The following PCDHA3 variants were observed in gnomAD, a reference collection of about 807,000 sequenced individuals.
PCDHA3 encodes the protein protocadherin alpha-3.
Under a neutral mutation model 62.2 loss-of-function variants are expected in PCDHA3, and 41 were observed. The ratio of observed to expected loss-of-function variants is 0.66; its 90% confidence interval spans 0.51 to 0.86. The LOEUF is 0.86. Among genes scored for constraint, PCDHA3 ranks in the 40% least tolerant of loss-of-function variants. PCDHA3 has a pLI of 0.00. For missense variants in PCDHA3, 1,304 were observed against 1,241.2 expected (o/e 1.05, Z -0.76); for synonymous variants, 640 against 555.4 (o/e 1.15, Z -2.14).
chr5:140,927,272 G>A lies in PCDHA3; in HGVS notation c.2395-51677G>A, dbSNP rs782403423. 3.7e-6 allele frequency: 6 copies of A among 1,613,966 alleles called. No homozygotes were observed. Among genetic ancestry groups the A allele is most frequent in the African/African-American group, 1.3e-5 (1 of 74,910 alleles). ...GACAACTCACCTCTCTTTCCTGCCG[G>A]CGACGTGCAGCTGCACATCCCCGAG... On this transcript the variant is annotated intron_variant, in intron 1 of 3. Transcript: ENST00000522353.
chr5:140,853,580 T>C, intron 1 of PCDHA3: 2 of 984,120 alleles, frequency 2.0e-6, no homozygotes, highest in Non-Finnish European at 2.4e-6. Flanking sequence ...TCACCCAATA[T>C]CTTAGACACT....
At chr5:140,878,689 AT>A (rs1582445250) in intron 1 of PCDHA3, among the ~76,000 whole-genome samples, 1 of 152,246 alleles carries the variant, frequency 6.6e-6, no homozygotes, top group Admixed American at 6.5e-5. Flanking sequence ...AAAGTCTTAC[AT>A]ACCCCAGCCT....
chr5:140,851,336 A>C, intron 1 of PCDHA3: 1 of 979,180 alleles, frequency 1.0e-6, no homozygotes, highest in Non-Finnish European at 1.2e-6. Context: ...GTAGTTCTCT[A>C]CATTTCTCTG....
intron 1 of PCDHA3, chr5:140,841,685 G>T (rs1332759626): frequency 6.2e-7 from 1 of 1,613,842 alleles, no homozygotes; most frequent in Non-Finnish European, 8.5e-7. Context: ...TGTGGACGTG[G>T]AGGTGAAGGA....
At chr5:140,989,724 T>C (rs1251385686) in intron 3 of PCDHA3, among the ~76,000 whole-genome samples, 6 of 152,178 alleles carry the variant, frequency 3.9e-5, no homozygotes, top group African/African-American at 1.4e-4. Context: ...AGCTTTGCAG[T>C]TGAAAAGGCC....
intron 1 of PCDHA3, among the ~76,000 whole-genome samples, chr5:140,845,887 A>G (rs1214611865): frequency 6.7e-6 from 1 of 149,822 alleles, no homozygotes; most frequent in Non-Finnish European, 1.5e-5. Context: ...AATGTCAGAA[A>G]GTCGTTATGG....
intron 1 of PCDHA3, chr5:140,829,783 G>C: frequency 1.9e-6 from 3 of 1,613,808 alleles, no homozygotes; most frequent in African/African-American, 1.3e-5. Context: ...ACGCGCCGGC[G>C]CTGCTGGCGC....
chr5:140,968,702 A>G, intron 1 of PCDHA3: 3 of 1,614,178 alleles, frequency 1.9e-6, no homozygotes, highest in Non-Finnish European at 2.5e-6. Flanking sequence ...TAGGACTACC[A>G]GGAAGATGGG....
chr5:140,928,368 A>G, intron 1 of PCDHA3: 3 of 1,614,212 alleles, frequency 1.9e-6, no homozygotes, highest in Non-Finnish European at 2.5e-6. Context: ...CTGAAGGGCC[A>G]TCAGCCTCTA....
At chr5:140,847,615 C>T (rs1488974977) in intron 1 of PCDHA3, 1 of 149,268 alleles carries the variant, frequency 6.7e-6, no homozygotes, top group Non-Finnish European at 1.5e-5. Flanking sequence ...AATAACATTA[C>T]ACAAACTATA....
At chr5:140,920,405 A>T (rs1253203896) in intron 1 of PCDHA3, among the ~76,000 whole-genome samples, 1 of 152,118 alleles carries the variant, frequency 6.6e-6, no homozygotes, top group Non-Finnish European at 1.5e-5. Context: ...TCTTTTTTTA[A>T]TCAGATACAG....
At chr5:140,876,368 CA>C in intron 1 of PCDHA3, 1 of 1,613,904 alleles carries the variant, frequency 6.2e-7, no homozygotes. Flanking sequence ...AATCCAGACA[CA>C]GGTGAAATTA....
At chr5:140,869,588 T>G (rs1404476349) in intron 1 of PCDHA3, 7 of 1,613,996 alleles carry the variant, frequency 4.3e-6, no homozygotes, top group Non-Finnish European at 5.9e-6. Flanking sequence ...GATGCTGACA[T>G]TGAAGAGAAT....
intron 1 of PCDHA3, chr5:140,829,297 G>C: frequency 1.9e-6 from 3 of 1,614,238 alleles, no homozygotes; most frequent in Non-Finnish European, 8.5e-7. Context: ...CCACCTTCAA[G>C]AATTACTACT....
At chr5:140,848,357 TG>T in intron 1 of PCDHA3, 1 of 1,035,374 alleles carries the variant, frequency 9.7e-7, no homozygotes, top group Non-Finnish European at 1.4e-6. Flanking sequence ...CCTTTTCCCA[TG>T]GGAAAGAGGC....
At chr5:140,982,391 G>T (rs539713475) in intron 2 of PCDHA3, 84 bp from the exon 3 acceptor site, 2 of 1,597,556 alleles carry the variant, frequency 1.3e-6, no homozygotes, top group South Asian at 1.1e-5. Flanking sequence ...TGGCTTCATA[G>T]TTGTAAGCAA....
At chr5:140,888,834 C>T (rs2061995964) in intron 1 of PCDHA3, among the ~76,000 whole-genome samples, 1 of 152,080 alleles carries the variant, frequency 6.6e-6, no homozygotes, top group Non-Finnish European at 1.5e-5. Context: ...CATCACTCCA[C>T]TGCAGCCTGG....
chr5:140,941,564 C>T (rs1352264408), intron 1 of PCDHA3, among the ~76,000 whole-genome samples: 2 of 151,992 alleles, frequency 1.3e-5, no homozygotes, highest in Non-Finnish European at 2.9e-5. Flanking sequence ...ATCCATTCGC[C>T]TCAGCCTCCC....
chr5:140,805,205 A>G, intron 1 of PCDHA3: 2 of 1,436,288 alleles, frequency 1.4e-6, no homozygotes, highest in Non-Finnish European at 1.8e-6. Context: ...TAGCTACCAA[A>G]TAAACATTGT....
Sources: allele counts gnomAD v4.1 joint callset (sites outside exome capture counted in the v4.1 genomes callset), GRCh38; gene constraint gnomAD v4.1.1; transcripts MANE v1.5; gene names NCBI Gene and HGNC (gene_info 2026-07-23, HGNC 2026-07-21).